The following MYOCOS variants were observed in gnomAD, a reference collection of about 807,000 sequenced individuals.
The protein encoded by MYOCOS is myocilin opposite strand protein.
At chr1:171,619,922 T>C (rs1652522117), upstream of MYOCOS, among the ~76,000 whole-genome samples, 1 of 151,228 alleles carries the variant, frequency 6.6e-6, no homozygotes, top group Admixed American at 6.6e-5. Context: ...TTCTGACATA[T>C]TCAAAATATG....
chr1:171,609,364 G>T (rs986431607), intron 1 of MYOCOS, among the ~76,000 whole-genome samples: 1 of 152,128 alleles, frequency 6.6e-6, no homozygotes, highest in Admixed American at 6.5e-5. Flanking sequence ...TTAACTACTG[G>T]TCTCTTGACA....
At chr1:171,608,347 A>G (rs909933886) in intron 1 of MYOCOS, among the ~76,000 whole-genome samples, 1 of 150,188 alleles carries the variant, frequency 6.7e-6, no homozygotes, top group Non-Finnish European at 1.5e-5. Context: ...AAATCTTGTG[A>G]TAAGTTCTGG....
chr1:171,607,492 C>T (rs901283980), intron 1 of MYOCOS, among the ~76,000 whole-genome samples: 80 of 152,304 alleles, frequency 5.3e-4, no homozygotes, highest in African/African-American at 1.8e-3. Flanking sequence ...TGTAAGCCCT[C>T]TCACCATTTT....
At chr1:171,605,809 C>T (rs992634931) in intron 1 of MYOCOS, among the ~76,000 whole-genome samples, 8 of 152,088 alleles carry the variant, frequency 5.3e-5, no homozygotes, top group Admixed American at 4.6e-4. Context: ...CATGCTCAAC[C>T]GAATCATACG....
chr1:171,624,226 C>T (rs892115170), intron 2 of MYOCOS, among the ~76,000 whole-genome samples: 1 of 152,076 alleles, frequency 6.6e-6, no homozygotes, highest in Admixed American at 6.6e-5. Flanking sequence ...GGTCGTGGCT[C>T]TTGATAGAGA....
chr1:171,605,546 G>C (rs1652229407), intron 1 of MYOCOS, among the ~76,000 whole-genome samples: 1 of 151,970 alleles, frequency 6.6e-6, no homozygotes, highest in Admixed American at 6.6e-5. Context: ...TATAGACACA[G>C]AGCTTCTGCT....
intron 2 of MYOCOS, among the ~76,000 whole-genome samples, chr1:171,624,765 A>G (rs1652660583): frequency 6.6e-6 from 1 of 151,608 alleles, no homozygotes; most frequent in Non-Finnish European, 1.5e-5. Flanking sequence ...TGTATTTTTA[A>G]TAGAAACAGG....
intron 1 of MYOCOS, among the ~76,000 whole-genome samples, chr1:171,601,705 G>A (rs1051611036): frequency 6.6e-6 from 1 of 152,092 alleles, no homozygotes; most frequent in Admixed American, 6.6e-5. Flanking sequence ...AAGTTAACCT[G>A]TAAGCCAAGG....
At chr1:171,618,331 A>G (rs1278522634), upstream of MYOCOS, among the ~76,000 whole-genome samples, 1 of 152,156 alleles carries the variant, frequency 6.6e-6, no homozygotes, top group Non-Finnish European at 1.5e-5. Flanking sequence ...CCTTTATCTC[A>G]TATATGCATA....
At chr1:171,623,766 C>A (rs149562127) in intron 1 of MYOCOS, 75 bp from the exon 2 acceptor site, 8 of 396,612 alleles carry the variant, frequency 2.0e-5, no homozygotes, top group Middle Eastern at 1.3e-3. Context: ...CTGCAAACTG[C>A]GCCATTCTGG....
intron 1 of MYOCOS, among the ~76,000 whole-genome samples, chr1:171,601,732 C>T (rs554769782): frequency 3.0e-4 from 45 of 152,086 alleles, no homozygotes; most frequent in Non-Finnish European, 5.1e-4. Context: ...GACCAATTTC[C>T]GTACATAGAC....
chr1:171,623,437 G>A (rs574581394), intron 1 of MYOCOS, among the ~76,000 whole-genome samples: 22 of 152,244 alleles, frequency 1.4e-4, no homozygotes, highest in African/African-American at 4.8e-4. Flanking sequence ...ACAGCCCTGT[G>A]AGAAAAGGGC....
rs1367930699 is a variant in MYOCOS at position 171,605,399 on chromosome 1, A to C, written c.-252+4319A>C. On this transcript the variant is annotated intron_variant, in intron 1 of 3. Coordinates refer to the MYOCOS transcript ENST00000636697. The stretch of plus-strand genomic sequence containing the variant: ...CACACACACACACACACACACAAAA[A>C]AAAAAAAACAGTTACATGATAAAGT... Among the ~76,000 whole-genome samples the C allele has an allele frequency of 3.7e-3, 481 of 128,418 alleles. 3 individuals are homozygous for C. Among genetic ancestry groups the C allele is most frequent in the African/African-American group, 0.015 (430 of 29,438 alleles). The allele number at this position is 128,418 out of a possible 152,430, so 84.2% of individuals were successfully genotyped here.
chr1:171,622,953 G>A (rs1652603608), intron 1 of MYOCOS, among the ~76,000 whole-genome samples: 1 of 152,204 alleles, frequency 6.6e-6, no homozygotes, highest in Non-Finnish European at 1.5e-5. Flanking sequence ...AAAGGGCCAG[G>A]CATGGTGGCT....
At chr1:171,602,901 G>T (rs1251465638) in intron 1 of MYOCOS, among the ~76,000 whole-genome samples, 3 of 152,166 alleles carry the variant, frequency 2.0e-5, no homozygotes, top group Non-Finnish European at 4.4e-5. Flanking sequence ...AGATGCAAAT[G>T]CCTGGTTGAA....
chr1:171,602,096 G>C (rs1282103739), intron 1 of MYOCOS, among the ~76,000 whole-genome samples: 1 of 151,800 alleles, frequency 6.6e-6, no homozygotes, highest in Non-Finnish European at 1.5e-5. Flanking sequence ...AAAAAGGGGG[G>C]AGGCAGAATT....
upstream of MYOCOS, among the ~76,000 whole-genome samples, chr1:171,621,105 C>T (rs1435220874): frequency 1.3e-5 from 2 of 152,022 alleles, no homozygotes; most frequent in Admixed American, 1.3e-4. Flanking sequence ...ACTGATGTCT[C>T]ATGCCTCTCT....
At chr1:171,603,613 A>G (rs760903364) in intron 1 of MYOCOS, among the ~76,000 whole-genome samples, 1 of 152,258 alleles carries the variant, frequency 6.6e-6, no homozygotes, top group Non-Finnish European at 1.5e-5. Context: ...AACAGCAATG[A>G]GCTTTTCATG....
chr1:171,615,333 C>A (rs1652427742), intron 2 of MYOCOS, among the ~76,000 whole-genome samples: 1 of 152,090 alleles, frequency 6.6e-6, no homozygotes, highest in South Asian at 2.1e-4. Context: ...AAGAGTAGAG[C>A]TGAAAATCCA....
Sources: gnomAD v4.1 joint callset for allele counts (sites outside exome capture counted in the v4.1 genomes callset) on GRCh38, gnomAD v4.1.1 for gene constraint, MANE v1.5 for transcripts, NCBI Gene and HGNC (gene_info 2026-07-23, HGNC 2026-07-21) for gene names.